Variants in PRICKLE2 observed in about 807,000 individuals in gnomAD.
The protein encoded by PRICKLE2 is prickle planar cell polarity protein 2.
Under a neutral mutation model 81.4 loss-of-function variants are expected in PRICKLE2, and 21 were observed. That is an observed-to-expected ratio of 0.26 (90% CI 0.18 to 0.37). PRICKLE2 has a LOEUF of 0.37. PRICKLE2 is among the 10% of genes least tolerant of loss of function. The probability of loss-of-function intolerance (pLI) is 1.00; values close to 1 mark genes in which losing one functional copy is unlikely to be tolerated. For missense variants in PRICKLE2, 940 were observed against 1,109.0 expected (o/e 0.85, Z 2.16); for synonymous variants, 456 against 421.5 (o/e 1.08, Z -1.00).
At chr3:64,172,752 A>G (rs2077954916) in intron 2 of PRICKLE2, among the ~76,000 whole-genome samples, 1 of 152,192 alleles carries the variant, frequency 6.6e-6, no homozygotes, top group Non-Finnish European at 1.5e-5. Context: ...GACTATATTT[A>G]TAGATAGGGC....
At chr3:64,206,113 G>A (rs905357230) in intron 1 of PRICKLE2, among the ~76,000 whole-genome samples, 3 of 152,192 alleles carry the variant, frequency 2.0e-5, no homozygotes, top group Non-Finnish European at 4.4e-5. Context: ...CTAGTTGTGA[G>A]AAACTGTATA....
At chr3:64,111,218 G>A (rs919363225) in intron 7 of PRICKLE2, among the ~76,000 whole-genome samples, 1 of 152,248 alleles carries the variant, frequency 6.6e-6, no homozygotes, top group African/African-American at 2.4e-5. Context: ...ACTTAGAACA[G>A]TGCTGGTGCG....
Position 64,147,407 on chromosome 3 carries a change from A to G in PRICKLE2, c.1083T>C (p.Ser361=). ...CTACGTCGGCTGACAGCCGGTTAGA[A>G]CTCACTTGCAGCTGGCTGTGCTGGT... is the stretch of plus-strand genomic sequence containing the variant. ...MLNQHSQLQV[S]SNRLSADVDP... is the part of the protein sequence containing the mutation. Residue 361 remains serine (S), a synonymous_variant, in exon 7 of 8, where the codon AGT becomes AGC. Coordinates refer to ENST00000638394, the MANE Select transcript of PRICKLE2 (RefSeq NM_198859.4). The surrounding 1 kb of genome is among the most constrained non-coding windows in gnomAD (Gnocchi z 5.0). The G allele has an allele frequency of 6.2e-7, 1 of 1,613,952 alleles. No individual in the cohort carries two copies. The highest frequency in any genetic ancestry group is 1.1e-5 in the South Asian group (1 of 91,068).
chr3:64,196,247 A>G (rs1475569066), intron 2 of PRICKLE2, among the ~76,000 whole-genome samples: 1 of 152,230 alleles, frequency 6.6e-6, no homozygotes, highest in East Asian at 1.9e-4. Flanking sequence ...AGAAAACTCT[A>G]TTTAAGCAGG....
chr3:64,240,243 C>T (rs1346637302), intron 2 of PRICKLE2, among the ~76,000 whole-genome samples: 2 of 152,134 alleles, frequency 1.3e-5, no homozygotes, highest in Non-Finnish European at 2.9e-5. Context: ...GCCATGAGGT[C>T]ACCAAGACAT....
At chr3:64,183,929 T>C (rs1370054895) in intron 2 of PRICKLE2, among the ~76,000 whole-genome samples, 5 of 152,104 alleles carry the variant, frequency 3.3e-5, no homozygotes, top group African/African-American at 4.8e-5. Flanking sequence ...AAGAGTGGTA[T>C]ATTAACTGCT....
At chr3:64,115,920 T>C (rs1243084256) in intron 7 of PRICKLE2, among the ~76,000 whole-genome samples, 2 of 152,162 alleles carry the variant, frequency 1.3e-5, no homozygotes, top group African/African-American at 4.8e-5. Flanking sequence ...ATGGCATATA[T>C]TCTAAAATAG....
Position 64,199,245 on chromosome 3 carries a change from C to G in PRICKLE2, c.-40-278G>C, listed in dbSNP as rs553902293. On this transcript the variant is annotated intron_variant, in intron 1 of 7. Coordinates refer to ENST00000638394, the MANE Select transcript of PRICKLE2 (RefSeq NM_198859.4). ...CAGCCTTCTCTTCTAAATCAATACC[C>G]CAAGAGGAATGGTAATATAGTTTTT... 3.0e-4 allele frequency: 171 copies of G among 570,828 alleles called. 4 individuals are homozygous for G. The South Asian group carries it at 3.6e-3, about 12-fold the overall frequency. The allele number at this position is 570,828 out of a possible 1,614,324, so 35.4% of individuals were successfully genotyped here. A position where few individuals can be genotyped will look rare whatever the true frequency, so the allele number is the denominator to read the frequency against.
chr3:64,231,904 C>A (rs1244777463), intron 2 of PRICKLE2, among the ~76,000 whole-genome samples: 1 of 152,170 alleles, frequency 6.6e-6, no homozygotes, highest in Non-Finnish European at 1.5e-5. Flanking sequence ...AACCCATATT[C>A]TTTCCTTTAC....
intron 2 of PRICKLE2, among the ~76,000 whole-genome samples, chr3:64,246,272 C>T (rs1036323957): frequency 6.6e-6 from 1 of 151,940 alleles, no homozygotes; most frequent in African/African-American, 2.4e-5. Flanking sequence ...AAAAACTGTA[C>T]ACCTCTCTTC....
chr3:64,224,865 T>C (rs1248809113), intron 1 of PRICKLE2, 45 bp downstream of exon 1: 1 of 965,376 alleles, frequency 1.0e-6, no homozygotes, highest in Non-Finnish European at 1.2e-6. Context: ...CCTTAGAAAA[T>C]ATACTGCTGT....
intron 2 of PRICKLE2, among the ~76,000 whole-genome samples, chr3:64,232,191 A>T (rs539338145): frequency 2.5e-4 from 38 of 152,300 alleles, no homozygotes; most frequent in African/African-American, 7.0e-4. Context: ...TCCTTGGTCA[A>T]TGTTAACGAT....
intron 2 of PRICKLE2, among the ~76,000 whole-genome samples, chr3:64,171,877 G>A (rs1279902664): frequency 6.6e-6 from 1 of 152,182 alleles, no homozygotes; most frequent in Non-Finnish European, 1.5e-5. Flanking sequence ...TATTTCAGAG[G>A]AAGTGACAAA....
intron 1 of PRICKLE2, among the ~76,000 whole-genome samples, chr3:64,217,550 G>C (rs928231121): frequency 2.0e-5 from 3 of 152,140 alleles, no homozygotes; most frequent in African/African-American, 4.8e-5. Flanking sequence ...TTTCATTCCA[G>C]CACACTTAGG....
At chr3:64,131,842 T>C (rs1281170960) in intron 7 of PRICKLE2, among the ~76,000 whole-genome samples, 1 of 151,964 alleles carries the variant, frequency 6.6e-6, no homozygotes. Flanking sequence ...CTGTAAATCA[T>C]CTGACTTTTT....
Position 64,157,204 on chromosome 3 carries a change from G to A in PRICKLE2, c.558C>T (p.His186=). The part of the protein sequence containing the change: ...YQDGKIYCGR[H]HAECLKPRCA... ...AGCGCGGCTTCAGGCACTCAGCATG[G>A]TGCCTGCCACAGTATATCTTCCCAT... is the stretch of plus-strand genomic sequence containing the variant. The change falls in exon 5 of 8, where the codon CAC becomes CAT. Residue 186 remains histidine (H), a synonymous_variant. Coordinates refer to ENST00000638394, the MANE Select transcript of PRICKLE2 (RefSeq NM_198859.4). The A allele has an allele frequency of 1.2e-6, 2 of 1,614,198 alleles. No individual in the cohort carries two copies. Among genetic ancestry groups the A allele is most frequent in the Non-Finnish European group, 1.7e-6 (2 of 1,180,034 alleles).
intron 1 of PRICKLE2, among the ~76,000 whole-genome samples, chr3:64,219,994 C>T (rs982546862): frequency 2.0e-5 from 3 of 152,212 alleles, no homozygotes; most frequent in Admixed American, 6.5e-5. Flanking sequence ...ACTCAGTAGG[C>T]GCTCAGTCTG....
At chr3:64,251,609 G>A (rs184467185) in intron 2 of PRICKLE2, among the ~76,000 whole-genome samples, 1 of 152,334 alleles carries the variant, frequency 6.6e-6, no homozygotes, top group East Asian at 1.9e-4. Flanking sequence ...AAGAAGCAGA[G>A]AGTTCATTTT....
At chr3:64,206,760 G>T (rs2107129236) in intron 1 of PRICKLE2, among the ~76,000 whole-genome samples, 1 of 152,366 alleles carries the variant, frequency 6.6e-6, no homozygotes, top group African/African-American at 2.4e-5. Flanking sequence ...TATGCCCAAG[G>T]CAGGCAAGGC....
Sources: gnomAD v4.1 joint callset for allele counts (sites outside exome capture counted in the v4.1 genomes callset) on GRCh38, gnomAD v4.1.1 for gene constraint, Gnocchi (gnomAD v3.1) non-coding constraint, MANE v1.5 for transcripts, NCBI Gene and HGNC (gene_info 2026-07-23, HGNC 2026-07-21) for gene names.